The following REPS1 variants were observed in gnomAD, a reference collection of about 807,000 sequenced individuals.
REPS1 encodes ralBP1-associated Eps domain-containing protein 1.
In REPS1, 39 loss-of-function variants were observed where a neutral mutation model predicts 100.9. The ratio of observed to expected loss-of-function variants is 0.39; its 90% CI spans 0.30 to 0.50. The LOEUF (loss-of-function observed/expected upper bound fraction) is 0.50. Ranked by LOEUF, REPS1 falls within the 20% of genes least tolerant of loss-of-function variation. The pLI is 0.86. For synonymous variants in REPS1, 324 were observed against 340.3 expected (o/e 0.95, Z 0.53); for missense variants, 821 against 968.5 (o/e 0.85, Z 2.02).
chr6:138,946,871 C>T (rs1188896), intron 2 of REPS1, among the ~76,000 whole-genome samples: 119,969 of 152,126 alleles, frequency 0.79, 47,596 homozygotes, highest in Non-Finnish European at 0.82. Context: ...TGTAACACTT[C>T]GATATGGTTT....
At position 138,944,022 on chromosome 6, in the gene REPS1, T is replaced by A; in HGVS notation, c.754-7A>T. On this transcript the variant is annotated splice_polypyrimidine_tract_variant and splice_region_variant and intron_variant, in intron 5 of 19. Coordinates refer to ENST00000450536, the MANE Select transcript of REPS1 (RefSeq NM_001286611.2). ...TTCGTACTGTTGTCTGGTCCTGTAATGAAACATTTTTTCCTCAGTACAATA... is the reference window on the plus strand; with the variant it reads ...TTCGTACTGTTGTCTGGTCCTGTAAAGAAACATTTTTTCCTCAGTACAATA... The A allele has an allele frequency of 3.1e-6, 5 of 1,613,500 alleles. No individual in the cohort carries two copies. The highest frequency in any genetic ancestry group is 4.2e-6 in the Non-Finnish European group (5 of 1,179,754).
intron 1 of REPS1, among the ~76,000 whole-genome samples, chr6:138,949,868 T>C (rs377666868): frequency 6.6e-6 from 1 of 152,214 alleles, no homozygotes; most frequent in South Asian, 2.1e-4. Flanking sequence ...GTAGAATTGA[T>C]GGGGAGGAGG....
rs542015389 is a variant in REPS1, at chr6:138,920,387, T to C, written c.1427-71A>G. ...ACTGATAAACTCATAAAGCTCAGAG[T>C]GTAAGACTTCATTTAAATATCCAAA... On this transcript the variant is annotated intron_variant, in intron 11 of 19. Coordinates refer to ENST00000450536, the MANE Select transcript of REPS1 (RefSeq NM_001286611.2). 9.4e-5 allele frequency: 62 copies of C among 662,944 alleles called. No individual in the cohort carries two copies. The African/African-American group carries it at 9.8e-4, about 10-fold the overall frequency. The allele number at this position is 662,944 out of a possible 1,614,324, so 41.1% of individuals were successfully genotyped here.
At chr6:138,926,528 G>C (rs771262665) in intron 9 of REPS1, 47 bp from the exon 10 acceptor site, 4 of 1,317,874 alleles carry the variant, frequency 3.0e-6, no homozygotes, top group Non-Finnish European at 4.4e-6. Flanking sequence ...GAAAGATGGA[G>C]TAAAAGATCA....
chr6:138,920,250 T>G lies in REPS1; in HGVS notation c.1493A>C (p.Asn498Thr). 1.3e-6 allele frequency: 2 copies of G among 1,599,878 alleles called. No homozygotes were observed. Among genetic ancestry groups the G allele is most frequent in the East Asian group, 2.2e-5 (1 of 44,766 alleles). ...ACCAGAAGCGAATTTCACCGATGAA[T>G]TTATCTTATTTTCTTCTAAAAGGTC... ...PSDLLEENKINSSVKFASGNT... is the reference protein window; with the variant it reads ...PSDLLEENKITSSVKFASGNT... Residue 498 changes from asparagine (N) to threonine (T), a missense_variant, in exon 12 of 20, where the codon AAT becomes ACT. Asn to Thr is a moderately conservative substitution (Grantham distance 65). This residue lies in a region of REPS1 where 757 missense variants were observed against 866.4 expected (regional missense o/e 0.87). Transcript: ENST00000450536.
intron 13 of REPS1, 182 bp from the exon 14 acceptor site, chr6:138,916,158 G>T: frequency 1.1e-5 from 5 of 446,480 alleles, no homozygotes; most frequent in East Asian, 4.5e-5. Context: ...CTAAACAACT[G>T]ATTATTTTAT....
At position 138,941,405 on chromosome 6, in the gene REPS1, A is replaced by G; in HGVS notation, c.1065T>C (p.Asn355=). 3 of 1,614,092 alleles carry G rather than the reference A, an allele frequency of 1.9e-6. No individual in the cohort carries two copies. Among genetic ancestry groups the G allele is most frequent in the Non-Finnish European group, 2.5e-6 (3 of 1,179,966 alleles). The change falls in exon 8 of 20, where the codon AAT becomes AAC. Residue 355 remains asparagine, a synonymous_variant. Transcript: ENST00000450536. ...GAAGTTTTTCTGGTAAATCATAGCC[A>G]TTCTTCCTAGCAACCACCAGATGAA... ...AAFHLVVARK[N]GYDLPEKLPE...
chr6:138,913,099 G>A (rs1780119668), intron 15 of REPS1, 149 bp from the exon 16 acceptor site: 1 of 552,222 alleles, frequency 1.8e-6, no homozygotes, highest in Admixed American at 3.8e-5. Flanking sequence ...GTAACATTTA[G>A]CTCTAAAGAA....
intron 1 of REPS1, among the ~76,000 whole-genome samples, chr6:138,974,296 A>G (rs1273333708): frequency 6.6e-6 from 1 of 152,204 alleles, no homozygotes; most frequent in Non-Finnish European, 1.5e-5. Context: ...AAGAGCATGC[A>G]CTTTCCTATT....
At chr6:138,929,743 C>T in intron 9 of REPS1, 1 of 328,182 alleles carries the variant, frequency 3.0e-6, no homozygotes, top group Admixed American at 4.4e-5. Context: ...CTGAATCTGC[C>T]TCTCTAAACT....
intron 1 of REPS1, among the ~76,000 whole-genome samples, chr6:138,984,142 C>G (rs547255013): frequency 1.3e-5 from 2 of 149,278 alleles, no homozygotes; most frequent in African/African-American, 5.0e-5. Context: ...TGCAGTGGCG[C>G]GATCTTGGCT....
intron 8 of REPS1, among the ~76,000 whole-genome samples, chr6:138,933,815 T>C (rs1781627474): frequency 6.6e-6 from 1 of 152,188 alleles, no homozygotes; most frequent in African/African-American, 2.4e-5. Context: ...TTTCTAATAA[T>C]GTAAGTATTG....
chr6:138,951,317 G>A (rs1161488837), intron 1 of REPS1, among the ~76,000 whole-genome samples: 1 of 152,006 alleles, frequency 6.6e-6, no homozygotes, highest in Admixed American at 6.6e-5. Flanking sequence ...TGCAGATTTT[G>A]CACAGAAAAC....
chr6:138,971,761 A>G (rs1471903328), intron 1 of REPS1, among the ~76,000 whole-genome samples: 3 of 152,038 alleles, frequency 2.0e-5, no homozygotes, highest in Non-Finnish European at 2.9e-5. Context: ...TGGGGTGGGG[A>G]GAGAGTACCC....
intron 8 of REPS1, among the ~76,000 whole-genome samples, chr6:138,936,204 T>C (rs957304628): frequency 6.6e-6 from 1 of 152,166 alleles, no homozygotes; most frequent in Admixed American, 6.5e-5. Context: ...CATAATCTTT[T>C]TTTTTAGAGA....
At chr6:138,986,756 A>G (rs1785280253) in intron 1 of REPS1, among the ~76,000 whole-genome samples, 2 of 147,242 alleles carry the variant, frequency 1.4e-5, no homozygotes, top group South Asian at 4.2e-4. Context: ...AAGAACTTCT[A>G]GGAAGTCCTC....
chr6:138,987,849 A>C lies in REPS1; in HGVS notation c.-167T>G. On this transcript the variant is annotated 5_prime_UTR_variant, in exon 1 of 20. Transcript: ENST00000450536. The stretch of plus-strand genomic sequence containing the variant: ...GGTGCGCCCGAGCAACAGGGCCCGG[A>C]GGTCGCGAGGAGGGGGCCCGGCTGC... 1 of 747,718 alleles carries C rather than the reference A, an allele frequency of 1.3e-6. No individual in the cohort carries two copies. Among genetic ancestry groups the C allele is most frequent in the East Asian group, 3.4e-5 (1 of 29,152 alleles). 46.3% of individuals were successfully genotyped at this position (747,718 alleles called of 1,614,324 possible). A position where few individuals can be genotyped will look rare whatever the true frequency, so the allele number is the denominator to read the frequency against.
chr6:138,987,811 C>T lies in REPS1; in HGVS notation c.-129G>A. The T allele has an allele frequency of 8.2e-7, 1 of 1,217,240 alleles. No individual in the cohort carries two copies. The highest frequency in any genetic ancestry group is 1.1e-6 in the Non-Finnish European group (1 of 933,528). The allele number at this position is 1,217,240 out of a possible 1,614,324, so 75.4% of individuals were successfully genotyped here. On this transcript the variant is annotated 5_prime_UTR_variant, in exon 1 of 20. Coordinates refer to ENST00000450536, the MANE Select transcript of REPS1 (RefSeq NM_001286611.2). ...GCTTCCCGAAAACGCCGGCCCCGGC[C>T]TCACACGCGCCAGGTGCGCCCGAGC...
At chr6:138,984,358 C>G (rs1169075212) in intron 1 of REPS1, among the ~76,000 whole-genome samples, 2 of 152,184 alleles carry the variant, frequency 1.3e-5, no homozygotes, top group East Asian at 3.9e-4. Flanking sequence ...GCTGGGATTA[C>G]AGGCATGAGC....
Sources: gnomAD v4.1 joint callset for allele counts (sites outside exome capture counted in the v4.1 genomes callset) on GRCh38, gnomAD v4.1.1 for gene constraint, gnomAD v4.1.1 regional missense constraint, MANE v1.5 for transcripts, NCBI Gene and HGNC (gene_info 2026-07-23, HGNC 2026-07-21) for gene names.